Variants in PAQR3 observed in about 807,000 individuals in gnomAD.
PAQR3 encodes the protein progestin and adipoQ receptor family member 3.
Under a neutral mutation model 41.7 loss-of-function variants are expected in PAQR3, and 39 were observed. That is an observed-to-expected ratio of 0.93 (90% CI 0.72 to 1.22). PAQR3 has a LOEUF of 1.22. PAQR3 is among the 50% of genes most tolerant of loss of function. The pLI is 0.00. For synonymous variants in PAQR3, 140 were observed against 140.6 expected, an observed-to-expected ratio of 1.00 and a Z score of 0.03; for missense variants, 366 against 385.6, an observed-to-expected ratio of 0.95 and a Z score of 0.42.
downstream of PAQR3, among the ~76,000 whole-genome samples, chr4:78,907,543 CA>C (rs1468087192): frequency 6.6e-6 from 1 of 152,112 alleles, no homozygotes; most frequent in East Asian, 1.9e-4. Context: ...AGCATTTCCC[CA>C]AAGTACTTTT....
chr4:78,909,774 T>C (rs1007487382), downstream of PAQR3, among the ~76,000 whole-genome samples: 7 of 152,178 alleles, frequency 4.6e-5, no homozygotes, highest in African/African-American at 1.7e-4. Flanking sequence ...ACAATTTATG[T>C]TTACTTACAA....
chr4:78,900,613 T>TA (rs1340684199), intron 11 of PAQR3, among the ~76,000 whole-genome samples: 1 of 152,250 alleles, frequency 6.6e-6, no homozygotes, highest in Admixed American at 6.5e-5. Flanking sequence ...TGGCCTACCT[T>TA]ACTTTGGCCA....
intron 11 of PAQR3, among the ~76,000 whole-genome samples, chr4:78,903,833 T>G (rs185795736): frequency 9.2e-5 from 14 of 152,040 alleles, no homozygotes; most frequent in Non-Finnish European, 1.9e-4. Context: ...GTTTGTATTT[T>G]GTAGTGTGTT....
chr4:78,924,429 T>G (rs149533998), intron 4 of PAQR3, among the ~76,000 whole-genome samples: 2 of 152,226 alleles, frequency 1.3e-5, no homozygotes, highest in African/African-American at 4.8e-5. Flanking sequence ...CCTGAGAAAA[T>G]CCAGCAAGCT....
At position 78,914,864 on chromosome 4, in the gene PAQR3, T is replaced by C. The variant is rs773336728; in HGVS notation, c.*5675A>G. ...TAAATTATTATGAAGCTAGCAAAAA[T>C]CTTGAGGCCAAAGTTGTTTCTTAAC... On this transcript the variant is annotated 3_prime_UTR_variant, in exon 6 of 6. Transcript: ENST00000512733. The C allele has an allele frequency of 8.6e-5, 13 of 151,848 alleles. No individual in the cohort carries two copies. The highest frequency in any genetic ancestry group is 1.8e-4 in the Non-Finnish European group (12 of 67,886). 9.4% of individuals were successfully genotyped at this position (151,848 alleles called of 1,614,324 possible).
At chr4:78,922,664 GC>G (rs1344551846) in intron 5 of PAQR3, among the ~76,000 whole-genome samples, 2 of 151,834 alleles carry the variant, frequency 1.3e-5, no homozygotes, top group Non-Finnish European at 2.9e-5. Flanking sequence ...CCTACTAATT[GC>G]TAGAAACTTG....
At chr4:78,910,025 G>A (rs1325181739), downstream of PAQR3, among the ~76,000 whole-genome samples, 1 of 152,136 alleles carries the variant, frequency 6.6e-6, no homozygotes, top group Non-Finnish European at 1.5e-5. Context: ...TCTAGAGAAG[G>A]CAGATGTTTT....
chr4:78,899,993 G>A (rs1319382531), intron 11 of PAQR3, among the ~76,000 whole-genome samples: 1 of 152,096 alleles, frequency 6.6e-6, no homozygotes. Context: ...ATATACAGTC[G>A]ATCCTTGAAC....
At chr4:78,909,799 C>A (rs949511730), downstream of PAQR3, among the ~76,000 whole-genome samples, 1 of 152,138 alleles carries the variant, frequency 6.6e-6, no homozygotes, top group Non-Finnish European at 1.5e-5. Context: ...TGACTGTAAA[C>A]CCCTGAAAGC....
Position 78,935,185 on chromosome 4 carries a change from A to T in PAQR3, c.284T>A (p.Leu95Ter). 1.9e-6 allele frequency: 3 copies of T among 1,614,012 alleles called. No individual in the cohort carries two copies. The highest frequency in any genetic ancestry group is 2.5e-6 in the Non-Finnish European group (3 of 1,179,898). The change falls in exon 2 of 6, where the codon TTA (leucine) becomes TAA (stop). Residue 95 changes from leucine to a stop codon, truncating the protein, a stop_gained. Coordinates refer to ENST00000512733, the MANE Select transcript of PAQR3 (RefSeq NM_001040202.2). LOFTEE classifies it high-confidence loss of function. ...TLGIYDMTSVLPSASASREDF... is the reference protein window; with the variant it reads ...TLGIYDMTSV Reference sequence around the variant, plus strand: ...TTCTCTGGACGCACTTGCTGAAGGTAACACAGATGTCATGTCATATATTCC... The same window carrying T: ...TTCTCTGGACGCACTTGCTGAAGGTTACACAGATGTCATGTCATATATTCC...
Position 78,912,166 on chromosome 4 carries a change from A to G in PAQR3, c.*8373T>C, listed in dbSNP as rs1734672593. The G allele has an allele frequency of 7.6e-6, 6 of 794,048 alleles. No homozygotes were observed. The highest frequency in any genetic ancestry group is 2.5e-5 in the East Asian group (1 of 39,416). The allele number at this position is 794,048 out of a possible 1,614,324, so 49.2% of individuals were successfully genotyped here. The stretch of plus-strand genomic sequence containing the variant: ...ATCAGTCAGAATAGGTGATTTCTAA[A>G]TAAACCAAATAGAAGAATGAAGTAT... On this transcript the variant is annotated 3_prime_UTR_variant, in exon 6 of 6. Coordinates refer to ENST00000512733, the MANE Select transcript of PAQR3 (RefSeq NM_001040202.2).
chr4:78,923,891 G>C lies in PAQR3; in HGVS notation c.759C>G (p.Phe253Leu). 6 of 1,613,240 alleles carry C rather than the reference G, an allele frequency of 3.7e-6. No individual in the cohort carries two copies. The highest frequency in any genetic ancestry group is 1.3e-5 in the African/African-American group (1 of 74,984). ...MYMIALLAFL[F>L]YISKVPERYF... ...ACCGCTCTGGGACTTTGGAAATGTA[G>C]AATAGGAAAGCAAGAAGAGCAATCA... Residue 253 changes from phenylalanine (F) to leucine (L), a missense_variant, in exon 5 of 6, where the codon TTC becomes TTG. Physicochemically the swap from Phe to Leu is conservative, Grantham distance 22. Coordinates refer to ENST00000512733, the MANE Select transcript of PAQR3 (RefSeq NM_001040202.2).
Position 78,920,603 on chromosome 4 carries a change from G to A in PAQR3, c.872C>T (p.Ser291Leu). 2 of 1,611,976 alleles carry A rather than the reference G, an allele frequency of 1.2e-6. No homozygotes were observed. The highest frequency in any genetic ancestry group is 1.7e-6 in the Non-Finnish European group (2 of 1,178,682). The change falls in exon 6 of 6, where the codon TCA (serine) becomes TTA (leucine). Residue 291 changes from serine to leucine, a missense_variant. By Grantham distance (145) the Ser-to-Leu change is moderately radical. Coordinates refer to ENST00000512733, the MANE Select transcript of PAQR3 (RefSeq NM_001040202.2). ...AVVMLYWWHQ[S>L]TVYVMQYRHS... ...TCTGTACTGCATGACATACACTGTT[G>A]ACTGATGCCACCAATATAACATCAC... is the stretch of plus-strand genomic sequence containing the variant.
intron 1 of PAQR3, among the ~76,000 whole-genome samples, chr4:78,938,254 G>A (rs1220869812): frequency 6.6e-6 from 1 of 152,166 alleles, no homozygotes; most frequent in East Asian, 1.9e-4. Context: ...TTTAGTACAG[G>A]TAGTAAGTTT....
intron 1 of PAQR3, 113 bp from the exon 2 acceptor site, chr4:78,935,396 AC>A: frequency 2.6e-6 from 2 of 774,470 alleles, no homozygotes; most frequent in Non-Finnish European, 4.0e-6. Context: ...TTAAGCTCTT[AC>A]CCCACCTGTA....
At chr4:78,896,902 T>G (rs531986413) in intron 11 of PAQR3, among the ~76,000 whole-genome samples, 26 of 152,100 alleles carry the variant, frequency 1.7e-4, no homozygotes, top group Non-Finnish European at 3.2e-4. Context: ...CAGAATGGAT[T>G]TATTGCTAGA....
chr4:78,926,480 GAA>G (rs762890211), intron 4 of PAQR3, 39 bp downstream of exon 4: 66 of 1,122,798 alleles, frequency 5.9e-5, no homozygotes, highest in Admixed American at 1.9e-4. Flanking sequence ...AAATTGAAAG[GAA>G]AAAAAAAAAG....
At position 78,917,792 on chromosome 4, in the gene PAQR3, A is replaced by T. The variant is rs1735228421; in HGVS notation, c.*2747T>A. The T allele has an allele frequency of 1.0e-6, 1 of 983,954 alleles. No homozygotes were observed. Among genetic ancestry groups the T allele is most frequent in the Non-Finnish European group, 1.2e-6 (1 of 828,482 alleles). The allele number at this position is 983,954 out of a possible 1,614,324, so 61.0% of individuals were successfully genotyped here. On this transcript the variant is annotated 3_prime_UTR_variant, in exon 6 of 6. Coordinates refer to ENST00000512733, the MANE Select transcript of PAQR3 (RefSeq NM_001040202.2). The stretch of plus-strand genomic sequence containing the variant: ...AATGGAGAGTTGTACAGTTTTACGG[A>T]AGTCAATCACAATCTTCAAATCGGA...
At chr4:78,900,056 C>T (rs948156414) in intron 11 of PAQR3, among the ~76,000 whole-genome samples, 1 of 152,126 alleles carries the variant, frequency 6.6e-6, no homozygotes, top group African/African-American at 2.4e-5. Flanking sequence ...TCTTTCGCCT[C>T]TGCTATCCCT....
Sources: gnomAD v4.1 joint callset for allele counts (sites outside exome capture counted in the v4.1 genomes callset) on GRCh38, gnomAD v4.1.1 for gene constraint, MANE v1.5 for transcripts, NCBI Gene and HGNC (gene_info 2026-07-23, HGNC 2026-07-21) for gene names.